PKNOX2: variants seen among roughly 807,000 people sequenced by gnomAD.
PKNOX2 encodes homeobox protein PKNOX2.
PKNOX2 carries 14 observed loss-of-function variants against 53.1 expected under a neutral mutation model. The ratio of observed to expected loss-of-function variants is 0.26; its 90% CI spans 0.17 to 0.41. The LOEUF (loss-of-function observed/expected upper bound fraction) is 0.41. Ranked by LOEUF, PKNOX2 falls within the 10% of genes least tolerant of loss-of-function variation. The pLI is 1.00. For synonymous variants in PKNOX2, 257 were observed against 242.8 expected (o/e 1.06, Z -0.54); for missense variants, 496 against 602.8 (o/e 0.82, Z 1.85).
chr11:125,332,056 C>T (rs983302407), intron 3 of PKNOX2, 131 bp downstream of exon 3: 3 of 152,222 alleles, frequency 2.0e-5, no homozygotes, highest in Admixed American at 1.3e-4. Context: ...GAAAGCCAAT[C>T]ATTGTGTGAT....
At chr11:125,301,294 C>T (rs780347333) in intron 2 of PKNOX2, among the ~76,000 whole-genome samples, 12 of 152,112 alleles carry the variant, frequency 7.9e-5, no homozygotes, top group Admixed American at 2.6e-4. Flanking sequence ...TCGAGATCCT[C>T]CAGCCCATAT....
At chr11:125,400,146 C>T (rs1954651096) in intron 7 of PKNOX2, among the ~76,000 whole-genome samples, 2 of 152,066 alleles carry the variant, frequency 1.3e-5, no homozygotes, top group Admixed American at 1.3e-4. Flanking sequence ...AAAGAGGAAT[C>T]AGACAATTGC....
At chr11:125,290,678 C>G (rs569705734) in intron 2 of PKNOX2, among the ~76,000 whole-genome samples, 1 of 152,330 alleles carries the variant, frequency 6.6e-6, no homozygotes, top group South Asian at 2.1e-4. Context: ...TCAACAAACA[C>G]TAGGTCCTGA....
At chr11:125,227,961 C>T (rs1039606081) in intron 1 of PKNOX2, among the ~76,000 whole-genome samples, 3 of 152,184 alleles carry the variant, frequency 2.0e-5, no homozygotes, top group East Asian at 1.9e-4. Flanking sequence ...AGGAGGCCCC[C>T]TGCTGCCTCC....
intron 1 of PKNOX2, chr11:125,188,194 G>T (rs956216146): frequency 3.3e-5 from 5 of 152,314 alleles, no homozygotes; most frequent in Admixed American, 3.3e-4. Context: ...TATGTGGTAA[G>T]TTTTCTGATT....
chr11:125,167,456 G>A (rs956069040), intron 1 of PKNOX2, among the ~76,000 whole-genome samples: 3 of 152,162 alleles, frequency 2.0e-5, no homozygotes, highest in Non-Finnish European at 4.4e-5. Flanking sequence ...AGAGCCCGAG[G>A]GGGGAGGGAG....
chr11:125,370,277 T>C lies in PKNOX2; in HGVS notation c.227+2292T>C, dbSNP rs1952454889. Among the ~76,000 whole-genome samples the C allele has an allele frequency of 6.6e-6, 1 of 152,152 alleles. No individual in the cohort carries two copies. Among genetic ancestry groups the C allele is most frequent in the Non-Finnish European group, 1.5e-5 (1 of 68,036 alleles). ...TGCGTCCAGCACCAAACAGAGGGTT[T>C]ACTCTGTCCCACCAATGGGAACCAT... is the stretch of plus-strand genomic sequence containing the variant. On this transcript the variant is annotated intron_variant, in intron 5 of 12. Transcript: ENST00000298282. The surrounding 1 kb of genome is among the most constrained non-coding windows in gnomAD (Gnocchi z 4.1).
chr11:125,245,900 GGTTTT>G (rs1277670048), intron 2 of PKNOX2, among the ~76,000 whole-genome samples: 2 of 152,104 alleles, frequency 1.3e-5, no homozygotes, highest in African/African-American at 2.4e-5. Flanking sequence ...AAAGTCCAGG[GGTTTT>G]GTTTTGTTTT....
intron 5 of PKNOX2, among the ~76,000 whole-genome samples, chr11:125,374,536 T>C (rs995928622): frequency 6.6e-6 from 1 of 152,200 alleles, no homozygotes; most frequent in Non-Finnish European, 1.5e-5. Flanking sequence ...TCCCTGCCCT[T>C]TCTATGGCAT....
chr11:125,171,535 A>G (rs1955320831), intron 1 of PKNOX2, among the ~76,000 whole-genome samples: 1 of 152,236 alleles, frequency 6.6e-6, no homozygotes, highest in African/African-American at 2.4e-5. Context: ...GTAAAAGCAC[A>G]TAGCTCACAG....
chr11:125,253,805 C>T (rs1252315776), intron 2 of PKNOX2, among the ~76,000 whole-genome samples: 1 of 152,092 alleles, frequency 6.6e-6, no homozygotes, highest in Non-Finnish European at 1.5e-5. Flanking sequence ...AAAGAGGACC[C>T]CCTGGTTCCC....
intron 4 of PKNOX2, among the ~76,000 whole-genome samples, chr11:125,361,548 AT>A (rs919900972): frequency 2.6e-5 from 4 of 151,904 alleles, no homozygotes; most frequent in East Asian, 3.9e-4. Context: ...TTTTTTATTT[AT>A]TTTTTTGACT....
chr11:125,333,535 G>GACACACACACACAC (rs1267319651), intron 3 of PKNOX2, among the ~76,000 whole-genome samples: 14 of 131,900 alleles, frequency 1.1e-4, no homozygotes, highest in African/African-American at 4.3e-4. Context: ...TCAGTCCCAA[G>GACACACACACACAC]ACACACACAC....
chr11:125,305,312 C>T (rs1948362413), intron 2 of PKNOX2, among the ~76,000 whole-genome samples: 1 of 152,214 alleles, frequency 6.6e-6, no homozygotes, highest in Non-Finnish European at 1.5e-5. Context: ...AGAACTGACA[C>T]CTGGAGGCCT....
chr11:125,317,434 G>A (rs1159164991), intron 2 of PKNOX2, among the ~76,000 whole-genome samples: 3 of 152,194 alleles, frequency 2.0e-5, no homozygotes, highest in Admixed American at 1.3e-4. Context: ...TTAACAAAAT[G>A]TACTCTTAAA....
At chr11:125,308,207 A>G (rs1053921518) in intron 2 of PKNOX2, among the ~76,000 whole-genome samples, 28 of 152,110 alleles carry the variant, frequency 1.8e-4, no homozygotes, top group Non-Finnish European at 3.5e-4. Context: ...CTTCCTGCCA[A>G]GTTTCAGCTT....
At chr11:125,346,963 C>T (rs1951010910) in intron 3 of PKNOX2, among the ~76,000 whole-genome samples, 3 of 152,100 alleles carry the variant, frequency 2.0e-5, no homozygotes, top group African/African-American at 7.2e-5. Context: ...CTAGCTTCTC[C>T]AAAGAGTTCT....
chr11:125,406,103 T>C (rs777395566), intron 7 of PKNOX2, among the ~76,000 whole-genome samples: 2 of 152,212 alleles, frequency 1.3e-5, no homozygotes, highest in Non-Finnish European at 2.9e-5. Context: ...CAGTGGCATC[T>C]ACCTGGGTTT....
chr11:125,236,070 C>T (rs1216437345), intron 2 of PKNOX2, among the ~76,000 whole-genome samples: 1 of 152,218 alleles, frequency 6.6e-6, no homozygotes, highest in Non-Finnish European at 1.5e-5. Context: ...AAATGATTAA[C>T]CGTTATCAGC....
Sources: gnomAD v4.1 joint callset for allele counts (sites outside exome capture counted in the v4.1 genomes callset) on GRCh38, gnomAD v4.1.1 for gene constraint, Gnocchi (gnomAD v3.1) non-coding constraint, MANE v1.5 for transcripts, NCBI Gene and HGNC (gene_info 2026-07-23, HGNC 2026-07-21) for gene names.